Variants in DDAH1 observed in about 807,000 individuals in gnomAD.
DDAH1 encodes the protein N(G),N(G)-dimethylarginine dimethylaminohydrolase 1.
Under a neutral mutation model 28.8 loss-of-function variants are expected in DDAH1, and 19 were observed. The observed-to-expected ratio is 0.66, with a 90% CI of 0.46 to 0.97. The LOEUF (loss-of-function observed/expected upper bound fraction) is 0.97. Among genes scored for constraint, DDAH1 ranks in the 50% least tolerant of loss-of-function variants. The probability of loss-of-function intolerance (pLI) is 0.00; values close to 1 mark genes in which losing one functional copy is unlikely to be tolerated. For synonymous variants in DDAH1, 153 were observed against 154.4 expected (o/e 0.99, Z 0.07); for missense variants, 326 against 375.9 (o/e 0.87, Z 1.10).
chr1:85,333,718 A>C lies in DDAH1; in HGVS notation c.598-8835T>G, dbSNP rs146263444. On this transcript the variant is annotated intron_variant, in intron 4 of 5. Coordinates refer to ENST00000284031, the MANE Select transcript of DDAH1 (RefSeq NM_012137.4). ...GCAATGAGAACTTCAACAGGATACTAAATCAAGAAGAATTTCAGAACTTTA... is the reference window on the plus strand; with the variant it reads ...GCAATGAGAACTTCAACAGGATACTCAATCAAGAAGAATTTCAGAACTTTA... Among the ~76,000 whole-genome samples the C allele has an allele frequency of 4.0e-3, 608 of 152,040 alleles. 1 individual carries two copies. The highest frequency in any genetic ancestry group is 6.8e-3 in the Non-Finnish European group (460 of 67,980).
At chr1:85,533,628 TA>T (rs11429146) in intron 1 of DDAH1, among the ~76,000 whole-genome samples, 2 of 151,806 alleles carry the variant, frequency 1.3e-5, no homozygotes, top group Non-Finnish European at 2.9e-5. Context: ...AAGACAAGCT[TA>T]AAAAAAACAG....
At chr1:85,373,549 T>C (rs1650500011) in intron 1 of DDAH1, among the ~76,000 whole-genome samples, 1 of 152,090 alleles carries the variant, frequency 6.6e-6, no homozygotes, top group Non-Finnish European at 1.5e-5. Flanking sequence ...TCACACACTC[T>C]CTCTCTTTCC....
intron 1 of DDAH1, among the ~76,000 whole-genome samples, chr1:85,561,962 A>G (rs950129025): frequency 2.0e-5 from 3 of 152,234 alleles, no homozygotes; most frequent in African/African-American, 7.2e-5. Flanking sequence ...GAATTTGCAA[A>G]TGGCATCAAG....
At chr1:85,478,812 G>T (rs919590849) in intron 2 of DDAH1, among the ~76,000 whole-genome samples, 1 of 152,104 alleles carries the variant, frequency 6.6e-6, no homozygotes, top group African/African-American at 2.4e-5. Flanking sequence ...TGGAGATCAG[G>T]GAATAGGTTT....
At chr1:85,556,489 A>G (rs1214653260) in intron 1 of DDAH1, among the ~76,000 whole-genome samples, 1 of 152,188 alleles carries the variant, frequency 6.6e-6, no homozygotes, top group Non-Finnish European at 1.5e-5. Flanking sequence ...AAAGCATTCT[A>G]GAAGGACTGC....
intron 1 of DDAH1, among the ~76,000 whole-genome samples, chr1:85,566,919 T>C (rs1278237754): frequency 1.3e-5 from 2 of 152,204 alleles, no homozygotes; most frequent in African/African-American, 2.4e-5. Flanking sequence ...GGGGAGCTGA[T>C]GGTGTAGTTC....
In DDAH1 at chr1:85,441,186, A is replaced by C. The variant is rs528712507; in HGVS notation, c.303+23557T>G. 1.1e-4 allele frequency among the ~76,000 whole-genome samples: 16 copies of C among 152,330 alleles called. No individual in the cohort carries two copies. In the South Asian group the frequency reaches 3.3e-3, roughly 32 times the overall value. ...ATTTTTACAGCACTTCTCTGAGCTCAAAGTCATCCTCACAGCACACAAGGA... is the reference window on the plus strand; with the variant it reads ...ATTTTTACAGCACTTCTCTGAGCTCCAAGTCATCCTCACAGCACACAAGGA... On this transcript the variant is annotated intron_variant, in intron 1 of 5. Transcript: ENST00000284031.
chr1:85,467,585 A>G (rs934328023), upstream of DDAH1: 3 of 152,134 alleles, frequency 2.0e-5, no homozygotes, highest in East Asian at 3.8e-4. Context: ...CATGCCTTCT[A>G]TTTTCTCTAA....
At chr1:85,441,539 C>CAATA (rs1553135423) in intron 1 of DDAH1, among the ~76,000 whole-genome samples, 1 of 150,966 alleles carries the variant, frequency 6.6e-6, no homozygotes, top group Admixed American at 6.6e-5. Flanking sequence ...GACCCCATCT[C>CAATA]AAAAAAGAAA....
intron 1 of DDAH1, among the ~76,000 whole-genome samples, chr1:85,362,464 C>G (rs555310855): frequency 6.6e-6 from 1 of 152,294 alleles, no homozygotes; most frequent in South Asian, 2.1e-4. Flanking sequence ...CTTACCCTTC[C>G]CTTTTCTACT....
chr1:85,565,265 T>C (rs191749591), intron 1 of DDAH1, among the ~76,000 whole-genome samples: 24 of 152,194 alleles, frequency 1.6e-4, no homozygotes, highest in Admixed American at 1.0e-3. Flanking sequence ...AGAAACAACA[T>C]AAGCCAGAAG....
intron 4 of DDAH1, among the ~76,000 whole-genome samples, chr1:85,336,457 TAAGA>T (rs1055077422): frequency 7.3e-5 from 11 of 150,768 alleles, no homozygotes; most frequent in Non-Finnish European, 1.3e-4. Context: ...ATGAAGAAAT[TAAGA>T]AAGAAAGAAA....
intron 1 of DDAH1, among the ~76,000 whole-genome samples, chr1:85,544,126 T>C (rs556732930): frequency 5.9e-5 from 9 of 152,204 alleles, no homozygotes; most frequent in Non-Finnish European, 1.2e-4. Flanking sequence ...AGTTGTTTTG[T>C]CTCTATCCTT....
At chr1:85,470,425 G>T (rs1655578126) in intron 2 of DDAH1, among the ~76,000 whole-genome samples, 1 of 152,136 alleles carries the variant, frequency 6.6e-6, no homozygotes, top group Non-Finnish European at 1.5e-5. Context: ...TCTCCCACTG[G>T]GTCCCTCCCA....
rs538947865 is a variant in DDAH1, at chr1:85,367,913, T to C, written c.304-9066A>G. Among the ~76,000 whole-genome samples, 7 of 152,322 alleles carry C rather than the reference T, an allele frequency of 4.6e-5. No homozygotes were observed. The South Asian group carries it at 1.5e-3, about 32-fold the overall frequency. ...TCTTAATATATAAGATTTTTCATTT[T>C]ATTAACCAATTTGAGTTTTCTGTTA... On this transcript the variant is annotated intron_variant, in intron 1 of 5. Coordinates refer to ENST00000284031, the MANE Select transcript of DDAH1 (RefSeq NM_012137.4).
intron 4 of DDAH1, among the ~76,000 whole-genome samples, chr1:85,346,006 CA>C (rs1190162352): frequency 6.6e-6 from 1 of 152,140 alleles, no homozygotes; most frequent in African/African-American, 2.4e-5. Context: ...TCTCAAATGG[CA>C]AGATGATGAT....
intron 1 of DDAH1, among the ~76,000 whole-genome samples, chr1:85,361,383 GA>G (rs1048931081): frequency 6.6e-6 from 1 of 151,762 alleles, no homozygotes; most frequent in Non-Finnish European, 1.5e-5. Context: ...CTTCCAAGAG[GA>G]AAAAAAATGA....
intron 1 of DDAH1, chr1:85,376,869 A>G (rs1650699408): frequency 6.6e-6 from 1 of 152,000 alleles, no homozygotes; most frequent in Admixed American, 6.6e-5. Context: ...GTGATTCAAC[A>G]CAAATAAGTA....
intron 4 of DDAH1, among the ~76,000 whole-genome samples, chr1:85,349,574 G>A (rs1258338609): frequency 6.6e-6 from 1 of 152,204 alleles, no homozygotes; most frequent in Admixed American, 6.5e-5. Flanking sequence ...ATGACCTGGG[G>A]TGAGTCACTT....
Sources: gnomAD v4.1 joint callset for allele counts (sites outside exome capture counted in the v4.1 genomes callset) on GRCh38, gnomAD v4.1.1 for gene constraint, MANE v1.5 for transcripts, NCBI Gene and HGNC (gene_info 2026-07-23, HGNC 2026-07-21) for gene names.